The following IWS1 variants were observed in gnomAD, a reference collection of about 807,000 sequenced individuals.
The protein encoded by IWS1 is protein IWS1 homolog.
IWS1 carries 27 observed loss-of-function variants against 86.7 expected under a neutral mutation model. The observed-to-expected ratio is 0.31, with a 90% CI of 0.23 to 0.43. The LOEUF (loss-of-function observed/expected upper bound fraction) is 0.43, where lower values mean the gene tolerates loss of function less well. Ranked by LOEUF, IWS1 falls within the 20% of genes least tolerant of loss-of-function variation. The pLI is 1.00. For synonymous variants in IWS1, 313 were observed against 335.1 expected (o/e 0.93, Z 0.72); for missense variants, 827 against 1,000.8 (o/e 0.83, Z 2.34).
rs1489987702 is a variant in IWS1, at chr2:127,505,564, G to A, written c.339C>T (p.Val113=). 1 of 1,613,746 alleles carries A rather than the reference G, an allele frequency of 6.2e-7. No individual in the cohort carries two copies. Among genetic ancestry groups the A allele is most frequent in the Non-Finnish European group, 8.5e-7 (1 of 1,179,882 alleles). ...TCTCAGAGTCGCTCCCATGCTGATTGACATCCTCATTTTCAGAATCGCTTG... is the reference window on the plus strand; with the variant it reads ...TCTCAGAGTCGCTCCCATGCTGATTAACATCCTCATTTTCAGAATCGCTTG... ...PPASDSENED[V]NQHGSDSESE... Residue 113 remains valine (V), a synonymous_variant, in exon 3 of 14, where the codon GTC becomes GTT. Transcript: ENST00000295321. This position sits in a 1 kb window ranked among gnomAD's most constrained non-coding sequence, Gnocchi z 5.0.
chr2:127,502,726 T>C, intron 5 of IWS1, 89 bp downstream of exon 5: 1 of 650,020 alleles, frequency 1.5e-6, no homozygotes, highest in Non-Finnish European at 2.8e-6. Flanking sequence ...TTATTCCTAC[T>C]TATTAGAATC....
At chr2:127,504,024 C>T (rs1690965873) in intron 3 of IWS1, among the ~76,000 whole-genome samples, 1 of 152,196 alleles carries the variant, frequency 6.6e-6, no homozygotes. Context: ...AATTTCTCAT[C>T]TCCCTTAACA....
intron 7 of IWS1, 45 bp downstream of exon 7, chr2:127,495,953 T>G: frequency 6.6e-7 from 1 of 1,521,378 alleles, no homozygotes; most frequent in Non-Finnish European, 8.8e-7. Flanking sequence ...TCCAATAAAC[T>G]CAGTGGGAGG....
At chr2:127,497,391 G>C (rs1422123504) in intron 6 of IWS1, among the ~76,000 whole-genome samples, 1 of 152,178 alleles carries the variant, frequency 6.6e-6, no homozygotes, top group Non-Finnish European at 1.5e-5. Flanking sequence ...TATAGCATGA[G>C]TAGAAAAAAT....
At chr2:127,490,233 A>G (rs1690154478) in intron 10 of IWS1, among the ~76,000 whole-genome samples, 1 of 152,238 alleles carries the variant, frequency 6.6e-6, no homozygotes, top group African/African-American at 2.4e-5. Context: ...ATTTCATAAA[A>G]GACATTTATT....
intron 5 of IWS1, chr2:127,498,800 C>A (rs1056268374): frequency 6.6e-6 from 1 of 152,184 alleles, no homozygotes; most frequent in African/African-American, 2.4e-5. Context: ...TTGATACCCA[C>A]CAATCTCTGG....
chr2:127,484,983 C>G (rs1558738299), intron 13 of IWS1, among the ~76,000 whole-genome samples: 4 of 147,030 alleles, frequency 2.7e-5, no homozygotes. Context: ...GGCGACAGAG[C>G]AAGACTCCGT....
intron 6 of IWS1, among the ~76,000 whole-genome samples, chr2:127,496,476 A>G (rs1056139850): frequency 1.3e-5 from 2 of 151,266 alleles, no homozygotes; most frequent in African/African-American, 4.9e-5. Context: ...TTCACTCATC[A>G]CTCACCCAGA....
At chr2:127,487,051 A>G (rs1202430392) in intron 12 of IWS1, among the ~76,000 whole-genome samples, 1 of 152,232 alleles carries the variant, frequency 6.6e-6, no homozygotes, top group Non-Finnish European at 1.5e-5. Flanking sequence ...GGAATTGTGA[A>G]GAATTGAGTC....
intron 10 of IWS1, among the ~76,000 whole-genome samples, chr2:127,491,634 G>A (rs867235206): frequency 1.3e-5 from 2 of 151,990 alleles, no homozygotes; most frequent in African/African-American, 2.4e-5. Flanking sequence ...TAGTAGAGAT[G>A]GGGTTTCATC....
chr2:127,505,149 T>C lies in IWS1; in HGVS notation c.754A>G (p.Ser252Gly), dbSNP rs1366515251. Residue 252 changes from serine (S) to glycine (G), a missense_variant, in exon 3 of 14, where the codon AGT becomes GGT. By Grantham distance (56) the Ser-to-Gly change is moderately conservative. Transcript: ENST00000295321. This position sits in a 1 kb window ranked among gnomAD's most constrained non-coding sequence, Gnocchi z 5.0. ...GCCTGGTGCCTCGGAGGGTCCTCAC[T>C]TTCTGAGTCACTGATACGAGGTTTG... ...LPKPRISDSE[S>G]EDPPRHQASD... 1 of 1,611,846 alleles carries C rather than the reference T, an allele frequency of 6.2e-7. No individual in the cohort carries two copies. The highest frequency in any genetic ancestry group is 1.1e-5 in the South Asian group (1 of 90,994).
chr2:127,497,437 A>G (rs1313154228), intron 6 of IWS1, among the ~76,000 whole-genome samples: 1 of 152,258 alleles, frequency 6.6e-6, no homozygotes, highest in African/African-American at 2.4e-5. Flanking sequence ...GATAGGAAGT[A>G]TAACTCTCAA....
At chr2:127,507,476 G>GT (rs1257550652) in intron 2 of IWS1, among the ~76,000 whole-genome samples, 3 of 152,104 alleles carry the variant, frequency 2.0e-5, no homozygotes, top group Admixed American at 6.5e-5. Context: ...ACACAGTACT[G>GT]TATTAGATTC....
intron 2 of IWS1, among the ~76,000 whole-genome samples, chr2:127,517,859 C>A (rs1691861041): frequency 6.6e-6 from 1 of 152,122 alleles, no homozygotes; most frequent in Admixed American, 6.5e-5. Context: ...TATAGTATAT[C>A]CATATAATGG....
chr2:127,502,156 A>C (rs1038306198), intron 5 of IWS1, among the ~76,000 whole-genome samples: 3 of 152,218 alleles, frequency 2.0e-5, no homozygotes, highest in African/African-American at 7.2e-5. Flanking sequence ...GAAGATTCAA[A>C]GATGGCCTAA....
At chr2:127,526,053 G>C (rs1573581458) in intron 1 of IWS1, 122 bp downstream of exon 1, 4 of 920,268 alleles carry the variant, frequency 4.3e-6, no homozygotes, top group Non-Finnish European at 1.6e-6. Flanking sequence ...GCCCTCCTCG[G>C]GCCGGGTCGC....
intron 2 of IWS1, among the ~76,000 whole-genome samples, chr2:127,523,247 C>T (rs1000491298): frequency 6.6e-6 from 1 of 152,044 alleles, no homozygotes; most frequent in African/African-American, 2.4e-5. Context: ...ATTATATACA[C>T]CGTAACAGTT....
At chr2:127,512,965 C>T (rs946612544) in intron 2 of IWS1, among the ~76,000 whole-genome samples, 5 of 152,224 alleles carry the variant, frequency 3.3e-5, no homozygotes, top group Non-Finnish European at 7.3e-5. Flanking sequence ...TCTGGTGGGG[C>T]ACCATGGCTC....
intron 13 of IWS1, 98 bp downstream of exon 13, chr2:127,486,455 C>A: frequency 1.1e-6 from 1 of 870,582 alleles, no homozygotes; most frequent in Non-Finnish European, 1.9e-6. Context: ...CTGAATCAGA[C>A]AAACTTCAAG....
Sources: gnomAD v4.1 joint callset for allele counts (sites outside exome capture counted in the v4.1 genomes callset) on GRCh38, gnomAD v4.1.1 for gene constraint, Gnocchi (gnomAD v3.1) non-coding constraint, MANE v1.5 for transcripts, NCBI Gene and HGNC (gene_info 2026-07-23, HGNC 2026-07-21) for gene names.